EXOC4: variants seen among roughly 807,000 people sequenced by gnomAD.
The protein encoded by EXOC4 is SEC8-like 1.
In EXOC4, 71 loss-of-function variants were observed where a neutral mutation model predicts 107.2. The observed-to-expected ratio is 0.66, with a 90% CI of 0.55 to 0.81. The LOEUF (loss-of-function observed/expected upper bound fraction) is 0.81, where lower values mean the gene tolerates loss of function less well. Ranked by LOEUF, EXOC4 falls within the 30% of genes least tolerant of loss-of-function variation. The probability of loss-of-function intolerance (pLI) is 0.00; values close to 1 mark genes in which losing one functional copy is unlikely to be tolerated. For synonymous variants in EXOC4, 456 were observed against 441.2 expected (o/e 1.03, Z -0.42); for missense variants, 1,108 against 1,189.6 (o/e 0.93, Z 1.01).
chr7:133,656,115 C>G (rs1299384717), intron 10 of EXOC4, among the ~76,000 whole-genome samples: 1 of 152,094 alleles, frequency 6.6e-6, no homozygotes, highest in Non-Finnish European at 1.5e-5. Context: ...ACCGAAACGT[C>G]ATCCTGTGGT....
intron 1 of EXOC4, among the ~76,000 whole-genome samples, chr7:133,262,785 A>G (rs1795182967): frequency 1.3e-5 from 2 of 152,182 alleles, no homozygotes; most frequent in African/African-American, 2.4e-5. Context: ...CAGGCTTGAA[A>G]TGTTCTCAAC....
At chr7:133,957,233 C>T (rs1372720433) in intron 14 of EXOC4, among the ~76,000 whole-genome samples, 9 of 152,104 alleles carry the variant, frequency 5.9e-5, no homozygotes, top group Non-Finnish European at 1.2e-4. Flanking sequence ...TCAGTTAGAC[C>T]TCTTAGAAAT....
At chr7:133,457,472 T>C (rs776263879) in intron 7 of EXOC4, among the ~76,000 whole-genome samples, 71 of 152,204 alleles carry the variant, frequency 4.7e-4, no homozygotes, top group Non-Finnish European at 2.6e-4. Context: ...AAGTGCAGTA[T>C]ATAGCTCAGC....
chr7:133,526,112 G>A (rs1800073463), intron 9 of EXOC4, among the ~76,000 whole-genome samples: 1 of 152,160 alleles, frequency 6.6e-6, no homozygotes, highest in African/African-American at 2.4e-5. Flanking sequence ...TCTGCCAGAA[G>A]AGACACTTGG....
chr7:133,802,708 G>A (rs1355944306), intron 10 of EXOC4, among the ~76,000 whole-genome samples: 3 of 152,018 alleles, frequency 2.0e-5, no homozygotes, highest in Non-Finnish European at 2.9e-5. Context: ...TTAGCCAGAT[G>A]TGGTGGTGGA....
At chr7:133,468,376 A>G (rs1208106840) in intron 7 of EXOC4, among the ~76,000 whole-genome samples, 1 of 151,896 alleles carries the variant, frequency 6.6e-6, no homozygotes, top group Admixed American at 6.6e-5. Context: ...ACAACGGGGA[A>G]ATTAGACTGC....
intron 9 of EXOC4, among the ~76,000 whole-genome samples, chr7:133,541,365 A>C (rs1042837647): frequency 6.6e-6 from 1 of 152,198 alleles, no homozygotes; most frequent in Non-Finnish European, 1.5e-5. Context: ...CCTGATAGCT[A>C]TAGAAACTGT....
intron 10 of EXOC4, among the ~76,000 whole-genome samples, chr7:133,784,008 T>C (rs767392902): frequency 6.6e-6 from 1 of 152,192 alleles, no homozygotes; most frequent in Non-Finnish European, 1.5e-5. Flanking sequence ...TCTTAAAGAA[T>C]AGGAATCATT....
intron 7 of EXOC4, among the ~76,000 whole-genome samples, chr7:133,458,915 T>G (rs1798526205): frequency 6.8e-6 from 1 of 148,030 alleles, no homozygotes; most frequent in African/African-American, 2.5e-5. Context: ...TTCTGAAATT[T>G]CAGAAACCTG....
intron 4 of EXOC4, among the ~76,000 whole-genome samples, chr7:133,309,088 G>T (rs1409793333): frequency 6.6e-6 from 1 of 152,102 alleles, no homozygotes; most frequent in South Asian, 2.1e-4. Flanking sequence ...CCATCGAGCC[G>T]TCCTAGACAC....
chr7:133,543,298 A>C lies in EXOC4; in HGVS notation c.1417+63160A>C, dbSNP rs543209763. Among the ~76,000 whole-genome samples, 6 of 152,276 alleles carry C rather than the reference A, an allele frequency of 3.9e-5. No individual in the cohort carries two copies. In the South Asian group the frequency reaches 6.2e-4, roughly 16 times the overall value. On this transcript the variant is annotated intron_variant, in intron 9 of 17. Transcript: ENST00000253861. ...TTTCTGTTCAATATTTATTTAAGCT[A>C]ATTCAAGCATCGATGATATAATTTA...
intron 5 of EXOC4, among the ~76,000 whole-genome samples, chr7:133,321,434 C>T (rs572466293): frequency 7.2e-5 from 11 of 152,208 alleles, no homozygotes; most frequent in South Asian, 4.2e-4. Flanking sequence ...CCGCCCTGAC[C>T]GAAAGGCCCA....
At chr7:134,000,603 CAGTCCACTTGTA>C (rs1398293177) in intron 15 of EXOC4, among the ~76,000 whole-genome samples, 1 of 152,174 alleles carries the variant, frequency 6.6e-6, no homozygotes, top group Admixed American at 6.5e-5. Flanking sequence ...TTTTACATAG[CAGTCCACTTGTA>C]AGTCCACTGC....
the EXOC4 span, among the ~76,000 whole-genome samples, chr7:134,085,164 A>T: frequency 2.0e-5 from 3 of 152,164 alleles, no homozygotes; most frequent in African/African-American, 7.2e-5. Context: ...GGACTCAAAT[A>T]TTGAAGTACA....
chr7:133,370,833 C>G (rs1288162569), intron 6 of EXOC4, among the ~76,000 whole-genome samples: 1 of 152,188 alleles, frequency 6.6e-6, no homozygotes, highest in Non-Finnish European at 1.5e-5. Flanking sequence ...ATTACCTCAG[C>G]TAGTTCTGTG....
chr7:133,452,177 T>G (rs938571288), intron 7 of EXOC4, among the ~76,000 whole-genome samples: 2 of 151,916 alleles, frequency 1.3e-5, no homozygotes, highest in African/African-American at 4.8e-5. Context: ...AATGAGAGAA[T>G]AAAAGCAGAG....
intron 2 of EXOC4, 115 bp downstream of exon 2, chr7:133,275,286 C>G: frequency 1.2e-6 from 1 of 850,610 alleles, no homozygotes; most frequent in Non-Finnish European, 1.7e-6. Flanking sequence ...TTCAAAATGC[C>G]ACTTTTCAGG....
chr7:133,742,878 C>T (rs535658411), intron 10 of EXOC4, among the ~76,000 whole-genome samples: 1 of 152,232 alleles, frequency 6.6e-6, no homozygotes, highest in South Asian at 2.1e-4. Flanking sequence ...ATTATTTTAA[C>T]ATCAAAAGAG....
chr7:133,952,577 A>T (rs573725077), intron 14 of EXOC4, among the ~76,000 whole-genome samples: 1 of 152,304 alleles, frequency 6.6e-6, no homozygotes, highest in African/African-American at 2.4e-5. Flanking sequence ...AGCCATCACC[A>T]TCATCCATCT....
Sources: allele counts gnomAD v4.1 joint callset (sites outside exome capture counted in the v4.1 genomes callset), GRCh38; gene constraint gnomAD v4.1.1; transcripts MANE v1.5; gene names NCBI Gene and HGNC (gene_info 2026-07-23, HGNC 2026-07-21).